Variants in PTCSC3 observed in about 807,000 individuals in gnomAD.
The protein encoded by PTCSC3 is papillary thyroid carcinoma susceptibility candidate 3 (non-protein coding).
At chr14:36,140,091 T>C (rs1881385118) in intron 3 of PTCSC3, among the ~76,000 whole-genome samples, 1 of 152,252 alleles carries the variant, frequency 6.6e-6, no homozygotes, top group South Asian at 2.1e-4. Context: ...ACAGAGTATG[T>C]AAACTTTTCA....
At chr14:36,159,863 C>T (rs1881915316) in intron 2 of PTCSC3, among the ~76,000 whole-genome samples, 3 of 151,998 alleles carry the variant, frequency 2.0e-5, no homozygotes, top group Admixed American at 2.0e-4. Flanking sequence ...GAGTCTAAGT[C>T]TCTTTGTAGG....
At position 36,136,641 on chromosome 14, in the gene PTCSC3, A is replaced by G. The variant is rs550451753; in HGVS notation, n.323-285T>C. On this transcript the variant is annotated intron_variant and non_coding_transcript_variant, in intron 3 of 3. Coordinates refer to ENST00000556013, the Ensembl canonical transcript of PTCSC3. ...TTCTATTTACCCAGTAATTATGCTT[A>G]TAATACAGGCCCCTTATCAACTCAT... is the stretch of plus-strand genomic sequence containing the variant. 5.3e-5 allele frequency among the ~76,000 whole-genome samples: 8 copies of G among 152,340 alleles called. No individual in the cohort carries two copies. In the South Asian group the frequency reaches 1.7e-3, roughly 32 times the overall value.
chr14:36,153,237 C>T (rs1881761315), intron 3 of PTCSC3, among the ~76,000 whole-genome samples: 1 of 152,164 alleles, frequency 6.6e-6, no homozygotes, highest in Admixed American at 6.5e-5. Flanking sequence ...ACTCTTCTGA[C>T]CTAATTACTC....
chr14:36,152,844 A>G, intron 3 of PTCSC3, among the ~76,000 whole-genome samples: 1 of 150,564 alleles, frequency 6.6e-6, no homozygotes, highest in South Asian at 2.1e-4. Context: ...CAGTGAGCTG[A>G]GATGGTGCCA....
intron 3 of PTCSC3, among the ~76,000 whole-genome samples, chr14:36,152,359 G>A (rs1054718866): frequency 6.6e-6 from 1 of 152,162 alleles, no homozygotes. Context: ...GGAGGCTGAG[G>A]TGGGAGGATT....
chr14:36,152,705 C>A (rs1040443965), intron 3 of PTCSC3, among the ~76,000 whole-genome samples: 1 of 151,836 alleles, frequency 6.6e-6, no homozygotes, highest in Non-Finnish European at 1.5e-5. Context: ...ACCAGCATGG[C>A]CAACAAGGTG....
At chr14:36,146,398 T>C (rs1201486794) in intron 3 of PTCSC3, among the ~76,000 whole-genome samples, 2 of 151,142 alleles carry the variant, frequency 1.3e-5, no homozygotes, top group African/African-American at 4.9e-5. Context: ...GTTGAATTGA[T>C]CCCTTTACCA....
chr14:36,161,268 G>A (rs1165739719), intron 2 of PTCSC3, among the ~76,000 whole-genome samples: 2 of 152,082 alleles, frequency 1.3e-5, no homozygotes, highest in South Asian at 2.1e-4. Flanking sequence ...CCTTGCTGGC[G>A]AGGAGTTGTG....
chr14:36,156,323 T>A (rs2139101921), intron 2 of PTCSC3, among the ~76,000 whole-genome samples: 1 of 152,360 alleles, frequency 6.6e-6, no homozygotes, highest in African/African-American at 2.4e-5. Flanking sequence ...AAGATTAGAA[T>A]GCTTTTTGCC....
chr14:36,152,481 T>C (rs1447602676), intron 3 of PTCSC3, among the ~76,000 whole-genome samples: 2 of 151,414 alleles, frequency 1.3e-5, no homozygotes, highest in African/African-American at 4.8e-5. Flanking sequence ...GGCATCAAAA[T>C]AGTGAAAATA....
intron 3 of PTCSC3, among the ~76,000 whole-genome samples, chr14:36,143,243 A>G (rs1277068250): frequency 6.9e-6 from 1 of 145,732 alleles, no homozygotes; most frequent in African/African-American, 2.6e-5. Context: ...ACTGACTTCC[A>G]CAATGGTTGA....
intron 2 of PTCSC3, among the ~76,000 whole-genome samples, chr14:36,162,234 C>T (rs535010205): frequency 4.8e-4 from 65 of 134,262 alleles, no homozygotes; most frequent in African/African-American, 1.8e-3. Flanking sequence ...GTCTCACTGG[C>T]GTTCCAGGAG....
At chr14:36,139,119 TA>T (rs370864635) in intron 3 of PTCSC3, among the ~76,000 whole-genome samples, 43,074 of 106,982 alleles carry the variant, frequency 0.4, 8,747 homozygotes, top group Non-Finnish European at 0.51. Flanking sequence ...ATCTCAAAAA[TA>T]AAAAAAAAAA....
intron 3 of PTCSC3, among the ~76,000 whole-genome samples, chr14:36,138,706 A>G (rs1594442378): frequency 6.6e-6 from 1 of 152,358 alleles, no homozygotes; most frequent in African/African-American, 2.4e-5. Context: ...ATTCTTATAC[A>G]TTACTTATGG....
At chr14:36,171,333 G>T (rs1361893391) in intron 1 of PTCSC3, among the ~76,000 whole-genome samples, 1 of 152,056 alleles carries the variant, frequency 6.6e-6, no homozygotes, top group African/African-American at 2.4e-5. Context: ...AATATAATGG[G>T]ACATGGAGAT....
At chr14:36,166,896 T>G (rs1351561644) in intron 1 of PTCSC3, among the ~76,000 whole-genome samples, 1 of 152,186 alleles carries the variant, frequency 6.6e-6, no homozygotes, top group Non-Finnish European at 1.5e-5. Context: ...GCAGTTCTCC[T>G]AATAGAGTTC....
At chr14:36,152,618 C>T (rs781676217) in intron 3 of PTCSC3, among the ~76,000 whole-genome samples, 1 of 152,086 alleles carries the variant, frequency 6.6e-6, no homozygotes, top group Non-Finnish European at 1.5e-5. Flanking sequence ...CAAAACGAGG[C>T]GCAGTGGCTC....
At chr14:36,137,705 C>G (rs1252831941) in intron 3 of PTCSC3, among the ~76,000 whole-genome samples, 2 of 152,118 alleles carry the variant, frequency 1.3e-5, no homozygotes, top group African/African-American at 2.4e-5. Flanking sequence ...GATGGAGCAA[C>G]TATAAGATAG....
chr14:36,152,898 GGAAAAAAAAAAAGAAAGAAAGAAA>G (rs1264763926), intron 3 of PTCSC3, among the ~76,000 whole-genome samples: 1 of 85,702 alleles, frequency 1.2e-5, no homozygotes, highest in African/African-American at 3.8e-5. Flanking sequence ...CATCTCGAAA[GGAAAAAAAAAAAGAAAGAAAGAAA>G]GAAAAAGAAA....
Sources: gnomAD v4.1 joint callset for allele counts (sites outside exome capture counted in the v4.1 genomes callset) on GRCh38, gnomAD v4.1.1 for gene constraint, MANE v1.5 for transcripts, NCBI Gene and HGNC (gene_info 2026-07-23, HGNC 2026-07-21) for gene names.